Variants in JPH3 observed in about 807,000 individuals in gnomAD.
JPH3 encodes the protein junctophilin-3.
A neutral mutation model predicts 59.6 loss-of-function variants in JPH3; 11 were observed. The observed-to-expected ratio is 0.18, with a 90% CI of 0.12 to 0.31. JPH3 has a LOEUF of 0.31. JPH3 is among the 10% of genes least tolerant of loss of function. JPH3 has a pLI of 1.00. For missense variants in JPH3, 1,202 were observed against 1,105.7 expected, an observed-to-expected ratio of 1.09 and a Z score of -1.24; for synonymous variants, 673 against 483.6, an observed-to-expected ratio of 1.39 and a Z score of -5.14.
At chr16:87,639,859 T>C (rs976380253) in intron 1 of JPH3, among the ~76,000 whole-genome samples, 1 of 152,244 alleles carries the variant, frequency 6.6e-6, no homozygotes, top group African/African-American at 2.4e-5. Flanking sequence ...TTTTTAAGGC[T>C]GAGGAATATT....
chr16:87,679,804 A>G (rs973611933), intron 2 of JPH3, among the ~76,000 whole-genome samples: 14 of 152,216 alleles, frequency 9.2e-5, no homozygotes, highest in African/African-American at 3.4e-4. Context: ...GGCACTGGCC[A>G]GGGGCCCCCT....
Position 87,679,149 on chromosome 16 carries a change from G to A in JPH3, c.1161-4993G>A, listed in dbSNP as rs576106947. 3.3e-5 allele frequency among the ~76,000 whole-genome samples: 5 copies of A among 152,316 alleles called. No homozygotes were observed. In the East Asian group the frequency reaches 5.8e-4, roughly 18 times the overall value. On this transcript the variant is annotated intron_variant, in intron 2 of 4. Transcript: ENST00000284262. Reference sequence around the variant, plus strand: ...GGCCAGGCTCAGCTGAGAGCTCCTCGACCTCCTGCCTGTCCCTGCCACCCT... The same window carrying A: ...GGCCAGGCTCAGCTGAGAGCTCCTCAACCTCCTGCCTGTCCCTGCCACCCT...
intron 2 of JPH3, among the ~76,000 whole-genome samples, chr16:87,656,858 A>G (rs747949206): frequency 1.3e-5 from 2 of 152,130 alleles, no homozygotes; most frequent in Non-Finnish European, 2.9e-5. Context: ...GTCCAAATGC[A>G]TGGTGCCTGT....
intron 1 of JPH3, chr16:87,604,282 A>AGCTGCCTGCTGCT (rs1273075741): frequency 2.3e-6 from 3 of 1,304,994 alleles, no homozygotes; most frequent in Non-Finnish European, 3.0e-6. Context: ...GAAGCCAGGG[A>AGCTGCCTGCTGCT]GCTGCCTGCT....
intron 1 of JPH3, among the ~76,000 whole-genome samples, chr16:87,636,674 T>C (rs893596078): frequency 6.6e-6 from 1 of 152,132 alleles, no homozygotes; most frequent in African/African-American, 2.4e-5. Context: ...CTTACTGATA[T>C]CAGTTATAAA....
intron 1 of JPH3, among the ~76,000 whole-genome samples, chr16:87,629,083 C>T (rs2031478069): frequency 6.6e-6 from 1 of 151,968 alleles, no homozygotes; most frequent in African/African-American, 2.4e-5. Flanking sequence ...GGGCCCAGGT[C>T]TCCACCTCTT....
intron 3 of JPH3, among the ~76,000 whole-genome samples, chr16:87,689,106 C>G (rs572686519): frequency 1.3e-5 from 2 of 152,082 alleles, no homozygotes; most frequent in Non-Finnish European, 2.9e-5. Context: ...CCAGCAGCCT[C>G]GAAAGGTGGG....
At chr16:87,660,087 C>A (rs536055987) in intron 2 of JPH3, among the ~76,000 whole-genome samples, 1 of 152,134 alleles carries the variant, frequency 6.6e-6, no homozygotes, top group African/African-American at 2.4e-5. Context: ...AGCAGCGTCA[C>A]CTCCCTGTGC....
intron 1 of JPH3, among the ~76,000 whole-genome samples, chr16:87,641,531 C>G (rs138412004): frequency 6.6e-6 from 1 of 152,218 alleles, no homozygotes; most frequent in African/African-American, 2.4e-5. Context: ...CCACCTCATT[C>G]GGCCCCGTCC....
intron 1 of JPH3, among the ~76,000 whole-genome samples, chr16:87,639,482 C>T (rs2031866766): frequency 6.6e-6 from 1 of 152,208 alleles, no homozygotes; most frequent in Admixed American, 6.5e-5. Context: ...TTCACGTGTG[C>T]CGTTCTGTGG....
Position 87,674,342 on chromosome 16 carries a change from C to A in JPH3, c.1161-9800C>A, listed in dbSNP as rs554156634. On this transcript the variant is annotated intron_variant, in intron 2 of 4. Coordinates refer to ENST00000284262, the MANE Select transcript of JPH3 (RefSeq NM_020655.4). ...AGCGAGACTCCGTCTCAAAAAAAAA[C>A]AAAAACAAAAAAAAGCAGGGGCAGA... Among the ~76,000 whole-genome samples the A allele has an allele frequency of 7.3e-4, 109 of 149,362 alleles. 3 individuals carry two copies. The South Asian group carries it at 0.023, about 31-fold the overall frequency.
At chr16:87,623,133 C>G (rs1315186224) in intron 1 of JPH3, among the ~76,000 whole-genome samples, 1 of 152,206 alleles carries the variant, frequency 6.6e-6, no homozygotes, top group African/African-American at 2.4e-5. Flanking sequence ...CGGATACTGC[C>G]CAGCCAGCCT....
At chr16:87,687,804 A>G (rs908387908) in intron 3 of JPH3, among the ~76,000 whole-genome samples, 9 of 152,056 alleles carry the variant, frequency 5.9e-5, no homozygotes, top group Admixed American at 3.9e-4. Flanking sequence ...TGATCTCGGC[A>G]GCAGTGGGTG....
At chr16:87,659,988 G>A (rs2032648353) in intron 2 of JPH3, among the ~76,000 whole-genome samples, 1 of 152,150 alleles carries the variant, frequency 6.6e-6, no homozygotes, top group Non-Finnish European at 1.5e-5. Flanking sequence ...GCTCTGCTGT[G>A]AAGGGGATTC....
chr16:87,697,139 TGGGCAGGAGGCATG>T lies in JPH3; in HGVS notation c.*487_*500del. 1.0e-5 allele frequency: 2 copies of T among 199,372 alleles called. No individual in the cohort carries two copies. The highest frequency in any genetic ancestry group is 1.0e-5 in the Non-Finnish European group (1 of 96,378). 12.4% of individuals were successfully genotyped at this position (199,372 alleles called of 1,614,324 possible). A position where few individuals can be genotyped will look rare whatever the true frequency, so the allele number is the denominator to read the frequency against. On this transcript the variant is annotated 3_prime_UTR_variant, in exon 5 of 5. Transcript: ENST00000284262. ...GTCTAGAACAGACGGGTGACAAGTA[TGGGCAGGAGGCATG>T]GGGCAGGGTGGCCCACCCCAGTGGG...
chr16:87,685,727 C>T (rs968876063), intron 3 of JPH3, among the ~76,000 whole-genome samples: 4 of 152,258 alleles, frequency 2.6e-5, no homozygotes, highest in African/African-American at 9.6e-5. Flanking sequence ...ATGGTCGCCT[C>T]AGCTCCAGCC....
rs2033946832 is a variant in JPH3 at position 87,697,646 on chromosome 16, CAG to C, written c.*988_*989del. 1 of 152,322 alleles carries C rather than the reference CAG, an allele frequency of 6.6e-6. No individual in the cohort carries two copies. The highest frequency in any genetic ancestry group is 2.4e-5 in the African/African-American group (1 of 41,468). 9.4% of individuals were successfully genotyped at this position (152,322 alleles called of 1,614,324 possible). ...CTGTGCCTGCCTCAACTTCCCCTAA[CAG>C]ATATGCATATTCCTTCCAGATGCCT... On this transcript the variant is annotated 3_prime_UTR_variant, in exon 5 of 5. Coordinates refer to ENST00000284262, the MANE Select transcript of JPH3 (RefSeq NM_020655.4).
chr16:87,651,756 C>A (rs1174600323), intron 2 of JPH3, among the ~76,000 whole-genome samples: 1 of 152,248 alleles, frequency 6.6e-6, no homozygotes. Context: ...ATGGAATCTA[C>A]TCCTGGCGAA....
chr16:87,683,218 G>A (rs905983252), intron 2 of JPH3, among the ~76,000 whole-genome samples: 1 of 152,250 alleles, frequency 6.6e-6, no homozygotes, highest in African/African-American at 2.4e-5. Flanking sequence ...ACACAGCACA[G>A]CGGGCCGGCA....
Sources: allele counts gnomAD v4.1 joint callset (sites outside exome capture counted in the v4.1 genomes callset), GRCh38; gene constraint gnomAD v4.1.1; transcripts MANE v1.5; gene names NCBI Gene and HGNC (gene_info 2026-07-23, HGNC 2026-07-21).